AP2B1: variants seen among roughly 807,000 people sequenced by gnomAD.
AP2B1 encodes the protein adaptor related protein complex 2 subunit beta 1, also known as AP-2 complex subunit beta.
AP2B1 carries 23 observed loss-of-function variants against 102.0 expected under a neutral mutation model. That is an observed-to-expected ratio of 0.23 (90% CI 0.16 to 0.32). AP2B1 has a LOEUF of 0.32. Ranked by LOEUF, AP2B1 falls within the 10% of genes least tolerant of loss-of-function variation. The pLI, the probability that AP2B1 is intolerant of heterozygous loss-of-function variation, is 1.00. For missense variants in AP2B1, 541 were observed against 1,157.4 expected (o/e 0.47, Z 7.73); for synonymous variants, 381 against 421.2 (o/e 0.90, Z 1.17).
intron 12 of AP2B1, among the ~76,000 whole-genome samples, chr17:35,649,560 G>A (rs1263381675): frequency 2.0e-5 from 3 of 152,082 alleles, no homozygotes; most frequent in South Asian, 4.1e-4. Context: ...GTAAGCCACC[G>A]CGCCCGGCCC....
chr17:35,601,668 G>A (rs545976755), intron 3 of AP2B1, among the ~76,000 whole-genome samples: 14 of 152,276 alleles, frequency 9.2e-5, no homozygotes, highest in South Asian at 6.2e-4. Context: ...ACCCACAGGC[G>A]GTAGTTGCCT....
At chr17:35,714,444 A>G (rs782399833) in intron 20 of AP2B1, among the ~76,000 whole-genome samples, 4 of 152,116 alleles carry the variant, frequency 2.6e-5, no homozygotes, top group Non-Finnish European at 5.9e-5. Context: ...GTGTGACCTT[A>G]GCTAAAGTAG....
At chr17:35,607,199 C>G (rs2073709704) in intron 4 of AP2B1, among the ~76,000 whole-genome samples, 1 of 151,910 alleles carries the variant, frequency 6.6e-6, no homozygotes, top group Non-Finnish European at 1.5e-5. Context: ...GCCACCATGT[C>G]CAGCCTAATA....
At chr17:35,716,599 T>C (rs1325910785) in intron 20 of AP2B1, among the ~76,000 whole-genome samples, 1 of 138,078 alleles carries the variant, frequency 7.2e-6, no homozygotes, top group Non-Finnish European at 1.6e-5. Flanking sequence ...AAATCATTTC[T>C]GCCTGCTTTG....
At chr17:35,623,994 T>C (rs1201091767) in intron 5 of AP2B1, among the ~76,000 whole-genome samples, 1 of 152,194 alleles carries the variant, frequency 6.6e-6, no homozygotes, top group South Asian at 2.1e-4. Flanking sequence ...CATATACAGC[T>C]ACACAACTAT....
chr17:35,706,595 A>C (rs1457216484), intron 18 of AP2B1, among the ~76,000 whole-genome samples: 2 of 151,882 alleles, frequency 1.3e-5, no homozygotes, highest in African/African-American at 4.8e-5. Flanking sequence ...TGCATTTCAC[A>C]TGAGACCTTT....
chr17:35,693,775 A>G (rs958844782), intron 18 of AP2B1, among the ~76,000 whole-genome samples: 5 of 152,116 alleles, frequency 3.3e-5, no homozygotes, highest in Non-Finnish European at 7.3e-5. Context: ...TCGATTCCAT[A>G]GCTCCCACTG....
rs983674012 is a variant in AP2B1 at position 35,724,503 on chromosome 17, T to C, written c.*804T>C. 5 of 152,232 alleles carry C rather than the reference T, an allele frequency of 3.3e-5. No homozygotes were observed. Among genetic ancestry groups the C allele is most frequent in the African/African-American group, 1.2e-4 (5 of 41,458 alleles). The allele number at this position is 152,232 out of a possible 1,614,324, so 9.4% of individuals were successfully genotyped here. A position where few individuals can be genotyped will look rare whatever the true frequency, so the allele number is the denominator to read the frequency against. ...CCCTGAACAAACCTGCTAATCCCAC[T>C]AATTCAGGAATTTGAGTAGAGATGG... On this transcript the variant is annotated 3_prime_UTR_variant, in exon 22 of 22. Transcript: ENST00000610402.
chr17:35,605,228 CTCTTTTCTTTTCT>C (rs1292116411), intron 3 of AP2B1, among the ~76,000 whole-genome samples: 30 of 149,970 alleles, frequency 2.0e-4, no homozygotes, highest in Non-Finnish European at 3.7e-4. Flanking sequence ...CTTTTCTTTT[CTCTTTTCTTTTCT>C]TTTTTTTTTT....
At chr17:35,593,004 G>C (rs960448937) in intron 1 of AP2B1, among the ~76,000 whole-genome samples, 1 of 152,150 alleles carries the variant, frequency 6.6e-6, no homozygotes, top group Non-Finnish European at 1.5e-5. Context: ...TGGAAATTGG[G>C]ATGGAAGAGT....
intron 17 of AP2B1, among the ~76,000 whole-genome samples, chr17:35,675,853 T>C (rs561513750): frequency 6.6e-6 from 1 of 152,322 alleles, no homozygotes; most frequent in South Asian, 2.1e-4. Context: ...TCAAATTCTT[T>C]TATATCAGCA....
intron 13 of AP2B1, among the ~76,000 whole-genome samples, chr17:35,653,633 C>T (rs966766726): frequency 6.6e-6 from 1 of 152,076 alleles, no homozygotes; most frequent in East Asian, 1.9e-4. Context: ...GCCACCACAC[C>T]CAGCTAATTT....
At chr17:35,719,280 A>T (rs2085282823) in intron 21 of AP2B1, among the ~76,000 whole-genome samples, 2 of 151,982 alleles carry the variant, frequency 1.3e-5, no homozygotes, top group South Asian at 4.2e-4. Flanking sequence ...TTGGTAGTGG[A>T]TAGTACTATG....
intron 17 of AP2B1, among the ~76,000 whole-genome samples, chr17:35,677,582 A>G (rs976829396): frequency 1.2e-4 from 18 of 152,078 alleles, no homozygotes; most frequent in Non-Finnish European, 1.6e-4. Context: ...TGTTTTGGCT[A>G]TTCTTGGTCT....
intron 20 of AP2B1, among the ~76,000 whole-genome samples, chr17:35,712,424 C>T (rs1438838030): frequency 4.6e-5 from 7 of 152,070 alleles, no homozygotes; most frequent in East Asian, 1.9e-4. Context: ...GTCAGGAGAT[C>T]GAGACCATCC....
At chr17:35,607,337 A>T (rs1315953526) in intron 4 of AP2B1, among the ~76,000 whole-genome samples, 2 of 152,206 alleles carry the variant, frequency 1.3e-5, no homozygotes, top group African/African-American at 4.8e-5. Flanking sequence ...CTTCTTTCTC[A>T]TGAACTTTTT....
rs587772727 is a variant in AP2B1, at chr17:35,682,492, G to A, written c.2325-203G>A. Among the ~76,000 whole-genome samples, 28 of 151,688 alleles carry A rather than the reference G, an allele frequency of 1.8e-4. No homozygotes were observed. In the South Asian group the frequency reaches 2.9e-3, roughly 16 times the overall value. On this transcript the variant is annotated intron_variant, in intron 17 of 21. Transcript: ENST00000610402. ...CAAGTAGCTGGGATTACAGGCACCC[G>A]CCACCACGCCCGGCTAATGTTTTGT...
intron 11 of AP2B1, among the ~76,000 whole-genome samples, chr17:35,640,105 C>G (rs1174345509): frequency 6.6e-6 from 1 of 152,020 alleles, no homozygotes; most frequent in Non-Finnish European, 1.5e-5. Flanking sequence ...TTAGTGGAGA[C>G]AGGGTTTCAC....
intron 15 of AP2B1, among the ~76,000 whole-genome samples, 162 bp from the exon 16 acceptor site, chr17:35,671,592 G>A (rs1193741092): frequency 1.3e-5 from 2 of 152,162 alleles, no homozygotes; most frequent in Non-Finnish European, 2.9e-5. Context: ...TAACTGTCAT[G>A]ATTAAAAAGA....
Sources: gnomAD v4.1 joint callset for allele counts (sites outside exome capture counted in the v4.1 genomes callset) on GRCh38, gnomAD v4.1.1 for gene constraint, MANE v1.5 for transcripts, NCBI Gene and HGNC (gene_info 2026-07-23, HGNC 2026-07-21) for gene names.